ATP8A2: variants seen among roughly 807,000 people sequenced by gnomAD.
ATP8A2 encodes the protein ATPase phospholipid transporting 8A2.
A neutral mutation model predicts 165.6 loss-of-function variants in ATP8A2; 100 were observed. That is an observed-to-expected ratio of 0.60 (90% CI 0.51 to 0.71). The LOEUF is 0.71. Ranked by LOEUF, ATP8A2 falls within the 30% of genes least tolerant of loss-of-function variation. ATP8A2 has a pLI of 0.00. For synonymous variants in ATP8A2, 543 were observed against 548.8 expected, an observed-to-expected ratio of 0.99 and a Z score of 0.15; for missense variants, 1,227 against 1,479.5, an observed-to-expected ratio of 0.83 and a Z score of 2.80.
chr13:25,990,351 G>A lies in ATP8A2; in HGVS notation c.3377+21672G>A, dbSNP rs922218145. Among the ~76,000 whole-genome samples the A allele has an allele frequency of 4.2e-4, 63 of 151,574 alleles. 1 individual carries two copies. Among genetic ancestry groups the A allele is most frequent in the African/African-American group, 1.4e-3 (58 of 41,230 alleles). On this transcript the variant is annotated intron_variant, in intron 35 of 36. Coordinates refer to ENST00000381655, the MANE Select transcript of ATP8A2 (RefSeq NM_016529.6). Reference sequence around the variant, plus strand: ...ACAGACAGTACACACAAACTATGTCGTGAAAAGTGTGGCATGGAAAACCAA... The same window carrying A: ...ACAGACAGTACACACAAACTATGTCATGAAAAGTGTGGCATGGAAAACCAA...
At chr13:25,859,555 C>T (rs1296686636) in intron 30 of ATP8A2, among the ~76,000 whole-genome samples, 1 of 145,872 alleles carries the variant, frequency 6.9e-6, no homozygotes, top group African/African-American at 2.5e-5. Flanking sequence ...CATAGCCATC[C>T]TTGAAAAGAA....
At position 25,915,371 on chromosome 13, in the gene ATP8A2, A is replaced by C. The variant is rs191808113; in HGVS notation, c.3184-46204A>C. Among the ~76,000 whole-genome samples, 293 of 152,338 alleles carry C rather than the reference A, an allele frequency of 1.9e-3. 1 individual carries two copies. Among genetic ancestry groups the C allele is most frequent in the Middle Eastern group, 0.017 (5 of 294 alleles). ...TGCAGATGTCATAGAGGGGACTGAG[A>C]GAGAACCTGGGGGTGAACAACAGCA... On this transcript the variant is annotated intron_variant, in intron 33 of 36. Coordinates refer to ENST00000381655, the MANE Select transcript of ATP8A2 (RefSeq NM_016529.6).
intron 27 of ATP8A2, among the ~76,000 whole-genome samples, chr13:25,798,854 G>A (rs1393261623): frequency 6.6e-6 from 1 of 151,976 alleles, no homozygotes; most frequent in Non-Finnish European, 1.5e-5. Context: ...GTCCTGGCTG[G>A]GCCTGAGAAT....
intron 13 of ATP8A2, among the ~76,000 whole-genome samples, chr13:25,557,101 C>CA (rs201627991): frequency 3.3e-5 from 5 of 151,510 alleles, no homozygotes; most frequent in African/African-American, 7.3e-5. Context: ...CCTTTGTAGA[C>CA]AAAAAAAAGC....
intron 33 of ATP8A2, among the ~76,000 whole-genome samples, chr13:25,898,435 T>A (rs947593934): frequency 2.0e-5 from 3 of 152,212 alleles, no homozygotes; most frequent in African/African-American, 7.2e-5. Flanking sequence ...AGTCCGCCCC[T>A]ACTGGGGGGT....
At position 25,961,638 on chromosome 13, in the gene ATP8A2, T is replaced by C; in HGVS notation, c.3247T>C (p.Leu1083=). 6 of 1,613,922 alleles carry C rather than the reference T, an allele frequency of 3.7e-6. No individual in the cohort carries two copies. The highest frequency in any genetic ancestry group is 5.1e-6 in the Non-Finnish European group (6 of 1,179,820). ...LGLFLVPTAC[L]IEDVAWRAAK... ...ATTATTTCTGGTTCCTACTGCCTGT[T>C]TGATTGAAGATGTGGCATGGAGAGC... is the stretch of plus-strand genomic sequence containing the variant. Residue 1083 remains leucine, a synonymous_variant, in exon 34 of 37, where the codon TTG becomes CTG. Transcript: ENST00000381655.
At chr13:25,470,530 G>A (rs7322494) in intron 2 of ATP8A2, among the ~76,000 whole-genome samples, 34,550 of 152,070 alleles carry the variant, frequency 0.23, 4,200 homozygotes, top group African/African-American at 0.31. Context: ...TGATGGAGCT[G>A]CTTTGGAAAA....
At position 25,986,512 on chromosome 13, in the gene ATP8A2, G is replaced by A. The variant is rs200653936; in HGVS notation, c.3377+17833G>A. On this transcript the variant is annotated intron_variant, in intron 35 of 36. Coordinates refer to ENST00000381655, the MANE Select transcript of ATP8A2 (RefSeq NM_016529.6). ...ACCTAATGTGAAGTCTTCCAGGTTC[G>A]TCCATGTTGTCACCAATGGCAAGAT... Among the ~76,000 whole-genome samples the A allele has an allele frequency of 1.8e-3, 281 of 152,282 alleles. 2 individuals are homozygous for A. Among genetic ancestry groups the A allele is most frequent in the African/African-American group, 6.0e-3 (250 of 41,546 alleles).
chr13:25,574,704 A>T, intron 18 of ATP8A2, 104 bp from the exon 19 acceptor site: 1 of 595,220 alleles, frequency 1.7e-6, no homozygotes, highest in South Asian at 1.9e-5. Context: ...GAAGGTGGGA[A>T]GAGAGAGAGA....
At chr13:25,465,238 T>C (rs545114850) in intron 1 of ATP8A2, among the ~76,000 whole-genome samples, 2 of 152,346 alleles carry the variant, frequency 1.3e-5, no homozygotes, top group Non-Finnish European at 2.9e-5. Flanking sequence ...TCCACAAATT[T>C]TTTTTGAAAA....
At chr13:25,550,942 T>A (rs2038802331) in intron 10 of ATP8A2, among the ~76,000 whole-genome samples, 1 of 152,214 alleles carries the variant, frequency 6.6e-6, no homozygotes, top group Non-Finnish European at 1.5e-5. Context: ...ATCGTGAAGG[T>A]CTTCTCTAGA....
intron 24 of ATP8A2, among the ~76,000 whole-genome samples, chr13:25,695,900 TA>T (rs1288699835): frequency 6.6e-6 from 1 of 152,224 alleles, no homozygotes; most frequent in African/African-American, 2.4e-5. Flanking sequence ...TAGGTGTTCT[TA>T]GTGACATCTA....
At chr13:25,782,621 A>G (rs999796021) in intron 27 of ATP8A2, among the ~76,000 whole-genome samples, 3 of 152,204 alleles carry the variant, frequency 2.0e-5, no homozygotes, top group Non-Finnish European at 4.4e-5. Flanking sequence ...ATAGTGTAGT[A>G]TTTGCATATA....
chr13:25,935,403 T>C (rs1019654913), intron 33 of ATP8A2, among the ~76,000 whole-genome samples: 2 of 152,192 alleles, frequency 1.3e-5, no homozygotes, highest in Non-Finnish European at 2.9e-5. Context: ...ACTATTATAG[T>C]GTAATTTTCT....
chr13:25,619,996 C>T (rs2040929710), intron 24 of ATP8A2, among the ~76,000 whole-genome samples: 1 of 152,060 alleles, frequency 6.6e-6, no homozygotes, highest in South Asian at 2.1e-4. Flanking sequence ...TTGAGGCATA[C>T]AGAGTAGAAT....
At chr13:25,580,007 A>G in intron 22 of ATP8A2, 60 bp downstream of exon 22, 3 of 1,586,086 alleles carry the variant, frequency 1.9e-6, no homozygotes, top group Non-Finnish European at 2.6e-6. Flanking sequence ...CTATTTCACA[A>G]AGTATTTGAA....
chr13:25,610,936 A>G (rs1224153214), intron 24 of ATP8A2, among the ~76,000 whole-genome samples: 7 of 114,620 alleles, frequency 6.1e-5, no homozygotes, highest in African/African-American at 2.5e-4. Context: ...TCTTGATTTG[A>G]TTCTCACCTT....
At chr13:25,508,247 T>C (rs1348655232) in intron 2 of ATP8A2, among the ~76,000 whole-genome samples, 1 of 152,216 alleles carries the variant, frequency 6.6e-6, no homozygotes, top group Non-Finnish European at 1.5e-5. Context: ...GGTAGGAACT[T>C]AGGAAATCTG....
At chr13:25,623,043 A>G (rs2041011046) in intron 24 of ATP8A2, among the ~76,000 whole-genome samples, 1 of 152,192 alleles carries the variant, frequency 6.6e-6, no homozygotes, top group Non-Finnish European at 1.5e-5. Context: ...TTTAAAGAAT[A>G]TATTCTTAGA....
Sources: allele counts gnomAD v4.1 joint callset (sites outside exome capture counted in the v4.1 genomes callset), GRCh38; gene constraint gnomAD v4.1.1; transcripts MANE v1.5; gene names NCBI Gene and HGNC (gene_info 2026-07-23, HGNC 2026-07-21).